The following ASB4 variants were observed in gnomAD, a reference collection of about 807,000 sequenced individuals.
The protein encoded by ASB4 is ankyrin repeat and SOCS box protein 4.
A neutral mutation model predicts 38.6 loss-of-function variants in ASB4; 35 were observed. The observed-to-expected ratio is 0.91, with a 90% confidence interval of 0.69 to 1.20. The LOEUF (loss-of-function observed/expected upper bound fraction) is 1.20, where lower values mean the gene tolerates loss of function less well. ASB4 is among the 50% of genes most tolerant of loss of function. The pLI is 0.00. For synonymous variants in ASB4, 195 were observed against 201.3 expected (o/e 0.97, Z 0.26); for missense variants, 557 against 527.2 (o/e 1.06, Z -0.55).
At chr7:95,476,516 A>C (rs1392781101), upstream of ASB4, among the ~76,000 whole-genome samples, 1 of 152,206 alleles carries the variant, frequency 6.6e-6, no homozygotes, top group Non-Finnish European at 1.5e-5. Flanking sequence ...CCCCTGGAGC[A>C]ATCAAGGGGC....
At chr7:95,545,905 T>C in the ASB4 span, among the ~76,000 whole-genome samples, 1 of 152,228 alleles carries the variant, frequency 6.6e-6, no homozygotes, top group African/African-American at 2.4e-5. Flanking sequence ...CCATGCACTT[T>C]TGCACATAGT....
intron 3 of ASB4, among the ~76,000 whole-genome samples, chr7:95,532,579 C>T (rs1037845009): frequency 3.3e-5 from 5 of 152,106 alleles, no homozygotes; most frequent in African/African-American, 9.7e-5. Flanking sequence ...AGGCAGTTCT[C>T]TTTGATCATT....
At chr7:95,500,810 C>A (rs554842859) in intron 2 of ASB4, among the ~76,000 whole-genome samples, 2 of 152,260 alleles carry the variant, frequency 1.3e-5, no homozygotes, top group East Asian at 3.9e-4. Flanking sequence ...CTTTGGCACA[C>A]AAGGTTTTCC....
Position 95,485,995 on chromosome 7 carries a change from C to T in ASB4, c.24C>T (p.Val8=). 1 of 1,613,946 alleles carries T rather than the reference C, an allele frequency of 6.2e-7. No homozygotes were observed. Among genetic ancestry groups the T allele is most frequent in the Non-Finnish European group, 8.5e-7 (1 of 1,179,890 alleles). Residue 8 remains valine (V), a synonymous_variant, in exon 1 of 5, where the codon GTC becomes GTT. Transcript: ENST00000325885. Reference sequence around the variant, plus strand: ...GGATGGACGGCACCACTGCCCCTGTCACTAAATCTGGAGCTGCCAAGTTAG... The same window carrying T: ...GGATGGACGGCACCACTGCCCCTGTTACTAAATCTGGAGCTGCCAAGTTAG... The part of the protein sequence containing the change: MDGTTAP[V]TKSGAAKLVK...
rs368213573 is a variant in ASB4, at chr7:95,524,597, A to T, written c.488-3216A>T. ...CCCCCCAAAACACACACACACAAAG[A>T]TACGTTCAAGTTCCAACCTCCAATA... On this transcript the variant is annotated intron_variant, in intron 2 of 4. Transcript: ENST00000325885. Among the ~76,000 whole-genome samples the T allele has an allele frequency of 3.2e-4, 48 of 152,312 alleles. No homozygotes were observed. In the East Asian group the frequency reaches 3.3e-3, roughly 10 times the overall value.
intron 2 of ASB4, among the ~76,000 whole-genome samples, chr7:95,507,941 C>T (rs1342926610): frequency 6.6e-6 from 1 of 151,980 alleles, no homozygotes; most frequent in East Asian, 1.9e-4. Flanking sequence ...ATGCAGAAGT[C>T]AGAGTGGGGG....
At chr7:95,525,888 C>T (rs539502539) in intron 2 of ASB4, among the ~76,000 whole-genome samples, 2 of 152,274 alleles carry the variant, frequency 1.3e-5, no homozygotes, top group East Asian at 3.9e-4. Flanking sequence ...GAGCAATGTA[C>T]TCTTGGGTAC....
chr7:95,545,804 G>C, the ASB4 span, among the ~76,000 whole-genome samples: 4 of 152,142 alleles, frequency 2.6e-5, no homozygotes, highest in African/African-American at 9.7e-5. Context: ...AAAGAGACAG[G>C]AGAAAAGCCT....
chr7:95,549,723 G>A, the ASB4 span, among the ~76,000 whole-genome samples: 24 of 152,264 alleles, frequency 1.6e-4, 1 homozygote, highest in African/African-American at 5.5e-4. Context: ...ACTCTGACAG[G>A]TGGACCTAGG....
intron 2 of ASB4, among the ~76,000 whole-genome samples, chr7:95,525,120 G>T (rs1292709623): frequency 6.6e-6 from 1 of 152,162 alleles, no homozygotes; most frequent in East Asian, 1.9e-4. Context: ...TAGAGTGATA[G>T]GTCTACAAGC....
intron 3 of ASB4, among the ~76,000 whole-genome samples, chr7:95,530,097 A>G: frequency 8.1e-6 from 1 of 122,700 alleles, no homozygotes; most frequent in Non-Finnish European, 1.7e-5. Context: ...TATGGAGAAA[A>G]AGCAGGGCAA....
intron 1 of ASB4, among the ~76,000 whole-genome samples, chr7:95,495,093 C>T (rs1201875198): frequency 6.6e-6 from 1 of 152,010 alleles, no homozygotes; most frequent in African/African-American, 2.4e-5. Flanking sequence ...TTTTTATTTT[C>T]CTACTTTTTT....
intron 2 of ASB4, among the ~76,000 whole-genome samples, chr7:95,504,509 A>G (rs1790382320): frequency 1.3e-5 from 2 of 152,186 alleles, no homozygotes; most frequent in Admixed American, 1.3e-4. Flanking sequence ...TATACATTGT[A>G]ATAGCATAAA....
chr7:95,537,937 A>G lies in ASB4; in HGVS notation c.*178A>G. The G allele has an allele frequency of 1.7e-6, 1 of 579,544 alleles. No homozygotes were observed. The highest frequency in any genetic ancestry group is 3.0e-6 in the Non-Finnish European group (1 of 332,494). The allele number at this position is 579,544 out of a possible 1,614,324, so 35.9% of individuals were successfully genotyped here. On this transcript the variant is annotated 3_prime_UTR_variant, in exon 5 of 5. Coordinates refer to ENST00000325885, the MANE Select transcript of ASB4 (RefSeq NM_016116.3). ...TGGTATGGGGAAATAAAGAAGAAGT[A>G]AAGTTAAGGAATTTTCAAAGACAAG...
At chr7:95,545,221 C>T (rs1459434888), downstream of ASB4, among the ~76,000 whole-genome samples, 4 of 152,190 alleles carry the variant, frequency 2.6e-5, no homozygotes, top group Non-Finnish European at 5.9e-5. Context: ...TGGAATTACA[C>T]ACAGCTTTCA....
At position 95,538,966 on chromosome 7, in the gene ASB4, A is replaced by T. The variant is rs1161384265; in HGVS notation, c.*1207A>T. ...GTAAAAGTTTGAGAAACTTGGGAAG[A>T]TTAGTGTGTTAATCAGGCTTGCTAG... On this transcript the variant is annotated 3_prime_UTR_variant, in exon 5 of 5. Transcript: ENST00000325885. 1 of 152,184 alleles carries T rather than the reference A, an allele frequency of 6.6e-6. No homozygotes were observed. Among genetic ancestry groups the T allele is most frequent in the East Asian group, 1.9e-4 (1 of 5,200 alleles). 9.4% of individuals were successfully genotyped at this position (152,184 alleles called of 1,614,324 possible). A position where few individuals can be genotyped will look rare whatever the true frequency, so the allele number is the denominator to read the frequency against.
the ASB4 span, among the ~76,000 whole-genome samples, chr7:95,546,042 A>G: frequency 1.3e-5 from 2 of 152,198 alleles, no homozygotes; most frequent in African/African-American, 4.8e-5. Context: ...GACATGCCAG[A>G]GTTGGAACTC....
intron 2 of ASB4, among the ~76,000 whole-genome samples, chr7:95,509,699 T>G: frequency 6.6e-6 from 1 of 152,150 alleles, no homozygotes; most frequent in South Asian, 2.1e-4. Context: ...CCGGTATACA[T>G]GCATATGAAG....
chr7:95,515,167 C>CTCTTTCTTTCTT lies in ASB4; in HGVS notation c.488-12592_488-12581dup, dbSNP rs71127411. Among the ~76,000 whole-genome samples the CTCTTTCTTTCTT allele has an allele frequency of 5.9e-3, 530 of 89,744 alleles. 3 individuals carry two copies. The highest frequency in any genetic ancestry group is 0.016 in the East Asian group (48 of 2,974). 58.9% of individuals were successfully genotyped at this position (89,744 alleles called of 152,430 possible). A position where few individuals can be genotyped will look rare whatever the true frequency, so the allele number is the denominator to read the frequency against. On this transcript the variant is annotated intron_variant, in intron 2 of 4. Coordinates refer to ENST00000325885, the MANE Select transcript of ASB4 (RefSeq NM_016116.3). ...TGTTTTTCTTTCTTTCTTTCTCTTTCTCTTTCTTTCTTTCTTTCTTTCTTT... is the reference window on the plus strand; with the variant it reads ...TGTTTTTCTTTCTTTCTTTCTCTTTCTCTTTCTTTCTTTCTTTCTTTCTTTCTTTCTTTCTTT...
Sources: allele counts gnomAD v4.1 joint callset (sites outside exome capture counted in the v4.1 genomes callset), GRCh38; gene constraint gnomAD v4.1.1; transcripts MANE v1.5; gene names NCBI Gene and HGNC (gene_info 2026-07-23, HGNC 2026-07-21).